Variants in PTPRO observed in about 807,000 individuals in gnomAD.
PTPRO encodes the protein protein tyrosine phosphatase receptor type O, also known as receptor-type tyrosine-protein phosphatase O.
In PTPRO, 62 loss-of-function variants were observed where a neutral mutation model predicts 145.2. The ratio of observed to expected loss-of-function variants is 0.43; its 90% CI spans 0.35 to 0.53. The LOEUF (loss-of-function observed/expected upper bound fraction) is 0.53, where lower values mean the gene tolerates loss of function less well. Among genes scored for constraint, PTPRO ranks in the 20% least tolerant of loss-of-function variants. The probability of loss-of-function intolerance (pLI) is 0.01; values close to 1 mark genes in which losing one functional copy is unlikely to be tolerated. For synonymous variants in PTPRO, 565 were observed against 514.7 expected, an observed-to-expected ratio of 1.10 and a Z score of -1.32; for missense variants, 1,345 against 1,482.7, an observed-to-expected ratio of 0.91 and a Z score of 1.53.
At chr12:15,427,964 A>G (rs1940328826) in intron 1 of PTPRO, among the ~76,000 whole-genome samples, 1 of 152,150 alleles carries the variant, frequency 6.6e-6, no homozygotes, top group Non-Finnish European at 1.5e-5. Context: ...ATATTTATAA[A>G]TGAAGTATCG....
intron 1 of PTPRO, among the ~76,000 whole-genome samples, chr12:15,440,605 A>C (rs1182502884): frequency 1.3e-5 from 2 of 152,160 alleles, no homozygotes; most frequent in Non-Finnish European, 2.9e-5. Context: ...TCACACCTCT[A>C]ATCCCAGCAC....
At chr12:15,345,014 A>G (rs943627073) in intron 1 of PTPRO, among the ~76,000 whole-genome samples, 3 of 152,140 alleles carry the variant, frequency 2.0e-5, no homozygotes, top group Non-Finnish European at 2.9e-5. Flanking sequence ...CTATCTTTCT[A>G]CAATCTCTTT....
intron 1 of PTPRO, among the ~76,000 whole-genome samples, chr12:15,450,005 T>C (rs1591822005): frequency 6.6e-6 from 1 of 152,362 alleles, no homozygotes; most frequent in Middle Eastern, 3.4e-3. Context: ...TGAAACATTA[T>C]TTTATTTATC....
chr12:15,558,933 A>C (rs1464282890), intron 16 of PTPRO, among the ~76,000 whole-genome samples: 1 of 152,210 alleles, frequency 6.6e-6, no homozygotes, highest in Non-Finnish European at 1.5e-5. Context: ...AGAAAAAGAA[A>C]TCCATCAACC....
intron 12 of PTPRO, among the ~76,000 whole-genome samples, chr12:15,540,951 A>G (rs924466355): frequency 1.3e-5 from 2 of 152,224 alleles, no homozygotes; most frequent in Non-Finnish European, 2.9e-5. Flanking sequence ...AAAAGAAAAT[A>G]GGGAAGGCCA....
intron 1 of PTPRO, among the ~76,000 whole-genome samples, chr12:15,419,974 C>A (rs1035720618): frequency 3.3e-5 from 5 of 151,026 alleles, no homozygotes; most frequent in African/African-American, 1.2e-4. Context: ...GGTGAAACCC[C>A]GTCTCTACTA....
At chr12:15,459,694 T>G (rs1242061633) in intron 1 of PTPRO, among the ~76,000 whole-genome samples, 1 of 152,236 alleles carries the variant, frequency 6.6e-6, no homozygotes, top group Non-Finnish European at 1.5e-5. Flanking sequence ...GCCATCTTGC[T>G]GATGTTACTG....
chr12:15,437,843 T>C (rs1585479), intron 1 of PTPRO, among the ~76,000 whole-genome samples: 109,181 of 152,072 alleles, frequency 0.72, 39,401 homozygotes, highest in East Asian at 0.78. Context: ...GTGCTTGTGC[T>C]TGCATCAGGG....
intron 25 of PTPRO, among the ~76,000 whole-genome samples, chr12:15,590,085 A>G (rs977295010): frequency 8.5e-5 from 13 of 152,166 alleles, no homozygotes; most frequent in Admixed American, 2.0e-4. Context: ...CCAGTCCCCA[A>G]CCTACCAGCA....
At chr12:15,490,623 G>A (rs369051134) in intron 2 of PTPRO, among the ~76,000 whole-genome samples, 3 of 152,106 alleles carry the variant, frequency 2.0e-5, no homozygotes, top group East Asian at 1.9e-4. Flanking sequence ...TTGATCTGTC[G>A]TATCATTATA....
chr12:15,484,668 G>A (rs1176413335), intron 2 of PTPRO, among the ~76,000 whole-genome samples: 1 of 151,970 alleles, frequency 6.6e-6, no homozygotes, highest in East Asian at 1.9e-4. Flanking sequence ...TTCAGGTATA[G>A]GTCTTTGGCT....
At chr12:15,540,242 T>C (rs547364588) in intron 12 of PTPRO, among the ~76,000 whole-genome samples, 43 of 152,342 alleles carry the variant, frequency 2.8e-4, no homozygotes, top group African/African-American at 9.6e-4. Context: ...AAGTCGAATA[T>C]ACTATATGAC....
intron 1 of PTPRO, among the ~76,000 whole-genome samples, chr12:15,415,575 G>A (rs7962905): frequency 0.66 from 98,488 of 149,882 alleles, 32,827 homozygotes; most frequent in East Asian, 0.85. Flanking sequence ...TAGTAGAGAC[G>A]GGGTTTCACT....
At chr12:15,458,998 T>C (rs1177839617) in intron 1 of PTPRO, among the ~76,000 whole-genome samples, 1 of 152,150 alleles carries the variant, frequency 6.6e-6, no homozygotes, top group Non-Finnish European at 1.5e-5. Flanking sequence ...CCTATCAGCC[T>C]GACCAGAGAT....
intron 1 of PTPRO, among the ~76,000 whole-genome samples, chr12:15,405,812 G>T (rs1313259311): frequency 6.6e-6 from 1 of 152,128 alleles, no homozygotes; most frequent in African/African-American, 2.4e-5. Context: ...ATAATAAACT[G>T]CTCCATTTCA....
chr12:15,473,990 TAA>T (rs1941599862), intron 1 of PTPRO, among the ~76,000 whole-genome samples: 1 of 152,054 alleles, frequency 6.6e-6, no homozygotes, highest in Admixed American at 6.6e-5. Context: ...TTCTCACAGG[TAA>T]AAGGCTACAG....
At chr12:15,593,294 A>G (rs1944591071) in intron 25 of PTPRO, among the ~76,000 whole-genome samples, 1 of 152,228 alleles carries the variant, frequency 6.6e-6, no homozygotes, top group Non-Finnish European at 1.5e-5. Context: ...GTTACACAGG[A>G]AGCTTCTTAA....
At chr12:15,514,775 T>C (rs577894515) in intron 7 of PTPRO, among the ~76,000 whole-genome samples, 65 of 152,162 alleles carry the variant, frequency 4.3e-4, no homozygotes, top group African/African-American at 1.5e-3. Context: ...TTTATTTTTG[T>C]TTTTTTGAGA....
At chr12:15,541,112 T>C (rs556726923) in intron 12 of PTPRO, among the ~76,000 whole-genome samples, 81 of 152,310 alleles carry the variant, frequency 5.3e-4, no homozygotes, top group African/African-American at 1.9e-3. Flanking sequence ...TCATGGACTG[T>C]GAAGTTATTT....
Sources: gnomAD v4.1 joint callset for allele counts (sites outside exome capture counted in the v4.1 genomes callset) on GRCh38, gnomAD v4.1.1 for gene constraint, MANE v1.5 for transcripts, NCBI Gene and HGNC (gene_info 2026-07-23, HGNC 2026-07-21) for gene names.